The following FOLR2 variants were observed in gnomAD, a reference collection of about 807,000 sequenced individuals.
FOLR2 encodes the protein folate receptor 2 (fetal).
In FOLR2, 14 loss-of-function variants were observed where a neutral mutation model predicts 20.4. That is an observed-to-expected ratio of 0.68 (90% CI 0.45 to 1.07). The LOEUF (loss-of-function observed/expected upper bound fraction) is 1.07, where lower values mean the gene tolerates loss of function less well. Among genes scored for constraint, FOLR2 ranks in the 50% least tolerant of loss-of-function variants. The pLI, the probability that FOLR2 is intolerant of heterozygous loss-of-function variation, is 0.00. For synonymous variants in FOLR2, 114 were observed against 114.3 expected, an observed-to-expected ratio of 1.00 and a Z score of 0.02; for missense variants, 269 against 322.6, an observed-to-expected ratio of 0.83 and a Z score of 1.27.
Position 72,221,274 on chromosome 11 carries a change from C to G in FOLR2, c.438C>G (p.Cys146Trp). ...WWEDCHTSHT[C>W]KSNWHRGWDW... ...AGGATTGTCACACCTCCCACACGTG[C>G]AAGAGCAACTGGCACAGAGGATGGG... The change falls in exon 4 of 5, where the codon TGC (cysteine) becomes TGG (tryptophan). Residue 146 changes from cysteine (C) to tryptophan (W), a missense_variant. By Grantham distance (215) the Cys-to-Trp change is radical. Coordinates refer to ENST00000298223, the MANE Select transcript of FOLR2 (RefSeq NM_000803.5). 6.2e-7 allele frequency: 1 copy of G among 1,613,948 alleles called. No homozygotes were observed. The highest frequency in any genetic ancestry group is 8.5e-7 in the Non-Finnish European group (1 of 1,179,904).
intron 1 of FOLR2, 157 bp from the exon 2 acceptor site, chr11:72,218,404 C>T (rs1282064280): frequency 1.7e-5 from 11 of 636,938 alleles, no homozygotes; most frequent in Non-Finnish European, 2.4e-5. Flanking sequence ...CTGGTCAACC[C>T]TCTCTACCCT....
At chr11:72,219,200 C>T (rs1293785449) in intron 2 of FOLR2, among the ~76,000 whole-genome samples, 1 of 152,152 alleles carries the variant, frequency 6.6e-6, no homozygotes, top group African/African-American at 2.4e-5. Flanking sequence ...CCCACCCTCA[C>T]TAAGTGCCAT....
rs771932239 is a variant in FOLR2, at chr11:72,218,647, C to G, written c.63C>G (p.Ala21=). ...LLVCVATMCS[A]QDRTDLLNVC... ...TCTGTGTAGCCACCATGTGCAGTGC[C>G]CAGGACAGGACTGATCTCCTCAATG... is the stretch of plus-strand genomic sequence containing the variant. Residue 21 remains alanine (A), a synonymous_variant, in exon 2 of 5, where the codon GCC becomes GCG. Coordinates refer to ENST00000298223, the MANE Select transcript of FOLR2 (RefSeq NM_000803.5). 3.7e-6 allele frequency: 6 copies of G among 1,613,216 alleles called. No individual in the cohort carries two copies. Among genetic ancestry groups the G allele is most frequent in the Non-Finnish European group, 5.1e-6 (6 of 1,179,520 alleles).
chr11:72,221,067 T>TCGGGGGGGGCCCCCCC lies in FOLR2; in HGVS notation c.339+10_339+11insGGGGGGGGCCCCCCCC. 21 of 1,569,888 alleles carry TCGGGGGGGGCCCCCCC rather than the reference T, an allele frequency of 1.3e-5. No individual in the cohort carries two copies. Among genetic ancestry groups the TCGGGGGGGGCCCCCCC allele is most frequent in the Non-Finnish European group, 1.7e-5 (20 of 1,154,708 alleles). ...GGCCCTGGATCCAGCAGGTAGGGTG[T>TCGGGGGGGGCCCCCCC]CTCCCCCCCACCCACCCCAGCAGAC... On this transcript the variant is annotated intron_variant, in intron 3 of 4. Transcript: ENST00000298223.
In FOLR2 at chr11:72,218,675, T is replaced by G; in HGVS notation, c.91T>G (p.Cys31Gly). The change falls in exon 2 of 5, where the codon TGT becomes GGT. Residue 31 changes from cysteine (C) to glycine (G), a missense_variant. Coordinates refer to ENST00000298223, the MANE Select transcript of FOLR2 (RefSeq NM_000803.5). ...GGACAGGACTGATCTCCTCAATGTC[T>G]GTATGGATGCCAAGCACCACAAGAC... ...AQDRTDLLNV[C>G]MDAKHHKTKP... The G allele has an allele frequency of 1.2e-6, 2 of 1,613,028 alleles. No homozygotes were observed. The highest frequency in any genetic ancestry group is 8.5e-7 in the Non-Finnish European group (1 of 1,179,462).
intron 2 of FOLR2, among the ~76,000 whole-genome samples, chr11:72,219,369 C>A (rs1948446438): frequency 6.6e-6 from 1 of 152,104 alleles, no homozygotes; most frequent in African/African-American, 2.4e-5. Flanking sequence ...TTTTTAGATT[C>A]TCTTTTCTAT....
At position 72,221,327 on chromosome 11, in the gene FOLR2, T is replaced by C. The variant is rs762456128; in HGVS notation, c.475+16T>C. 2.5e-6 allele frequency: 4 copies of C among 1,610,844 alleles called. No individual in the cohort carries two copies. Among genetic ancestry groups the C allele is most frequent in the Non-Finnish European group, 3.4e-6 (4 of 1,177,932 alleles). Reference sequence around the variant, plus strand: ...TGGACCTCAGGTGAGGGTGATTGAGTTGGGGTTAGGAAAAAGGAGATTGAG... The same window carrying C: ...TGGACCTCAGGTGAGGGTGATTGAGCTGGGGTTAGGAAAAAGGAGATTGAG... On this transcript the variant is annotated intron_variant, in intron 4 of 4. Coordinates refer to ENST00000298223, the MANE Select transcript of FOLR2 (RefSeq NM_000803.5).
chr11:72,219,934 G>A (rs574036561), intron 2 of FOLR2, among the ~76,000 whole-genome samples: 4 of 150,828 alleles, frequency 2.7e-5, no homozygotes, highest in Admixed American at 6.6e-5. Context: ...GGCAACCTCC[G>A]CCTCCGGGGT....
At chr11:72,219,767 C>A (rs1293501376) in intron 2 of FOLR2, among the ~76,000 whole-genome samples, 1 of 152,040 alleles carries the variant, frequency 6.6e-6, no homozygotes, top group Non-Finnish European at 1.5e-5. Context: ...CTGGAAAACC[C>A]AGTCTAGATT....
rs1447940166 is a variant in FOLR2 at position 72,220,964 on chromosome 11, A to G, written c.245A>G (p.His82Arg). ...TSRLYNFNWD[H>R]CGKMEPACKR... ...CGCCTGTACAACTTTAACTGGGACC[A>G]CTGCGGCAAGATGGAGCCCGCCTGC... is the stretch of plus-strand genomic sequence containing the variant. Residue 82 changes from histidine (H) to arginine (R), a missense_variant, in exon 3 of 5, where the codon CAC (histidine) becomes CGC (arginine). Coordinates refer to ENST00000298223, the MANE Select transcript of FOLR2 (RefSeq NM_000803.5). 1.2e-6 allele frequency: 2 copies of G among 1,613,992 alleles called. No homozygotes were observed. Among genetic ancestry groups the G allele is most frequent in the South Asian group, 1.1e-5 (1 of 91,090 alleles).
At chr11:72,217,038 T>TGTATTGTA in intron 1 of FOLR2, 113 bp downstream of exon 1, 136 of 1,234,708 alleles carry the variant, frequency 1.1e-4, no homozygotes, top group South Asian at 2.7e-4. Flanking sequence ...TGTATTGTAT[T>TGTATTGTA]TTTTGAGACA....
rs1432187049 is a variant in FOLR2, at chr11:72,216,919, G to A, written c.-31G>A. Reference sequence around the variant, plus strand: ...CGTGTATGCTCCCAGCAGCAACGGAGGTTCAGGCAAGATGCCCGAAGGAGG... The same window carrying A: ...CGTGTATGCTCCCAGCAGCAACGGAAGTTCAGGCAAGATGCCCGAAGGAGG... On this transcript the variant is annotated 5_prime_UTR_variant, in exon 1 of 5. Transcript: ENST00000298223. 6.3e-7 allele frequency: 1 copy of A among 1,599,594 alleles called. No homozygotes were observed. Among genetic ancestry groups the A allele is most frequent in the Admixed American group, 1.7e-5 (1 of 60,030 alleles).
intron 3 of FOLR2, 29 bp downstream of exon 3, chr11:72,221,087 G>T (rs556999096): frequency 2.6e-6 from 1 of 379,406 alleles, no homozygotes; most frequent in South Asian, 4.0e-5. Flanking sequence ...ACCCACCCCA[G>T]CAGACTGCCA....
chr11:72,221,819 C>A lies in FOLR2; in HGVS notation c.*57C>A. 1 of 1,531,498 alleles carries A rather than the reference C, an allele frequency of 6.5e-7. No individual in the cohort carries two copies. The highest frequency in any genetic ancestry group is 8.9e-7 in the Non-Finnish European group (1 of 1,124,126). 94.9% of individuals were successfully genotyped at this position (1,531,498 alleles called of 1,614,324 possible). On this transcript the variant is annotated 3_prime_UTR_variant, in exon 5 of 5. Transcript: ENST00000298223. ...TTGGATAACCAGGCTGGGCTCAGCT[C>A]AGCTCCCACAAATGACAGCCCCTTA...
chr11:72,220,302 A>G (rs923385382), intron 2 of FOLR2, among the ~76,000 whole-genome samples: 2 of 152,230 alleles, frequency 1.3e-5, no homozygotes. Flanking sequence ...CCTTTGCTCA[A>G]AATGTCACCA....
In FOLR2 at chr11:72,221,933, T is replaced by C; in HGVS notation, c.*171T>C. On this transcript the variant is annotated 3_prime_UTR_variant, in exon 5 of 5. Coordinates refer to ENST00000298223, the MANE Select transcript of FOLR2 (RefSeq NM_000803.5). ...CAAGAGTCACTTCTAATAAACAGAC[T>C]GTTTTCTAATAATTCCATGTCTGTG... 1.6e-6 allele frequency: 1 copy of C among 629,988 alleles called. No homozygotes were observed. Among genetic ancestry groups the C allele is most frequent in the Non-Finnish European group, 2.7e-6 (1 of 366,810 alleles). 39.0% of individuals were successfully genotyped at this position (629,988 alleles called of 1,614,324 possible).
Position 72,221,904 on chromosome 11 carries a change from G to GGGC in FOLR2, c.*143_*145dup. 3 of 712,594 alleles carry GGGC rather than the reference G, an allele frequency of 4.2e-6. No homozygotes were observed. Among genetic ancestry groups the GGGC allele is most frequent in the Non-Finnish European group, 6.9e-6 (3 of 435,554 alleles). The allele number at this position is 712,594 out of a possible 1,614,324, so 44.1% of individuals were successfully genotyped here. ...CCCAGTCTGTTGCTGCTCCATGGTG[G>GGGC]GGCCAAGAGTCACTTCTAATAAACA... On this transcript the variant is annotated 3_prime_UTR_variant, in exon 5 of 5. Transcript: ENST00000298223.
At position 72,221,168 on chromosome 11, in the gene FOLR2, C is replaced by T; in HGVS notation, c.340-8C>T. 1 of 1,611,030 alleles carries T rather than the reference C, an allele frequency of 6.2e-7. No homozygotes were observed. Among genetic ancestry groups the T allele is most frequent in the Non-Finnish European group, 8.5e-7 (1 of 1,178,786 alleles). On this transcript the variant is annotated splice_region_variant and splice_polypyrimidine_tract_variant and intron_variant, in intron 3 of 4. Transcript: ENST00000298223. Reference sequence around the variant, plus strand: ...GAGAGGAGCCCTGCCTCCCCACCTCCCACCCAGGTGAATCAGAGCTGGCGC... The same window carrying T: ...GAGAGGAGCCCTGCCTCCCCACCTCTCACCCAGGTGAATCAGAGCTGGCGC...
In FOLR2 at chr11:72,218,726, C is replaced by T. The variant is rs781049238; in HGVS notation, c.142C>T (p.His48Tyr). ...AAAGCCAGGTCCTGAGGACAAGCTG[C>T]ATGACCAAGTACGGCTGGAGTGTGC... ...KTKPGPEDKL[H>Y]DQCSPWKKNA... The change falls in exon 2 of 5, where the codon CAT becomes TAT. Residue 48 changes from histidine to tyrosine, a missense_variant. Coordinates refer to ENST00000298223, the MANE Select transcript of FOLR2 (RefSeq NM_000803.5). 3 of 1,611,194 alleles carry T rather than the reference C, an allele frequency of 1.9e-6. No individual in the cohort carries two copies. The highest frequency in any genetic ancestry group is 2.5e-6 in the Non-Finnish European group (3 of 1,178,534).
Sources: allele counts gnomAD v4.1 joint callset (sites outside exome capture counted in the v4.1 genomes callset), GRCh38; gene constraint gnomAD v4.1.1; transcripts MANE v1.5; gene names NCBI Gene and HGNC (gene_info 2026-07-23, HGNC 2026-07-21).